The following DLG5 variants were observed in gnomAD, a reference collection of about 807,000 sequenced individuals.
DLG5 encodes the protein disks large homolog 5.
Under a neutral mutation model 189.8 loss-of-function variants are expected in DLG5, and 48 were observed. The ratio of observed to expected loss-of-function variants is 0.25; its 90% CI spans 0.20 to 0.32. The LOEUF is 0.32. Ranked by LOEUF, DLG5 falls within the 10% of genes least tolerant of loss-of-function variation. The pLI, the probability that DLG5 is intolerant of heterozygous loss-of-function variation, is 1.00. For missense variants in DLG5, 2,160 were observed against 2,544.7 expected (o/e 0.85, Z 3.25); for synonymous variants, 1,016 against 1,054.1 (o/e 0.96, Z 0.70).
intron 1 of DLG5, among the ~76,000 whole-genome samples, chr10:77,916,578 C>T (rs1253413816): frequency 6.6e-6 from 1 of 152,078 alleles, no homozygotes; most frequent in African/African-American, 2.4e-5. Flanking sequence ...AGGCATGAGC[C>T]ACCACGCCCG....
At position 77,806,152 on chromosome 10, in the gene DLG5, G is replaced by T. The variant is rs144312767; in HGVS notation, c.4968-291C>A. ...ACTGCTAGGACAGCCTTCAATTGGT[G>T]ACATGACGAGTTACGCTTCCTGCCA... On this transcript the variant is annotated intron_variant, in intron 26 of 31. Transcript: ENST00000372391. 2.5e-5 allele frequency: 10 copies of T among 405,908 alleles called. No homozygotes were observed. The East Asian group carries it at 3.7e-4, about 15-fold the overall frequency. The allele number at this position is 405,908 out of a possible 1,614,324, so 25.1% of individuals were successfully genotyped here.
chr10:77,813,430 C>A (rs982060042), intron 20 of DLG5, among the ~76,000 whole-genome samples: 1 of 152,084 alleles, frequency 6.6e-6, no homozygotes, highest in Non-Finnish European at 1.5e-5. Context: ...AATTAAAATT[C>A]TTCTTGAGTT....
chr10:77,796,207 G>T lies in DLG5; in HGVS notation c.5309-19C>A. ...ATCACCTCTGCAATGCACAGACACA[G>T]GAATCAGGGAGCCCCAGGCCCTGCT... On this transcript the variant is annotated intron_variant, in intron 28 of 31. Transcript: ENST00000372391. The surrounding 1 kb of genome is among the most constrained non-coding windows in gnomAD (Gnocchi z 5.2). The T allele has an allele frequency of 6.2e-7, 1 of 1,613,952 alleles. No individual in the cohort carries two copies. The highest frequency in any genetic ancestry group is 8.5e-7 in the Non-Finnish European group (1 of 1,180,028).
chr10:77,915,687 A>G (rs751983593), intron 1 of DLG5, among the ~76,000 whole-genome samples: 21 of 152,240 alleles, frequency 1.4e-4, no homozygotes, highest in Non-Finnish European at 1.9e-4. Context: ...TAGCAGTTAG[A>G]AGATGTTTCT....
At chr10:77,869,237 G>T (rs1844805841) in intron 1 of DLG5, 40 bp from the exon 2 acceptor site, 2 of 1,592,734 alleles carry the variant, frequency 1.3e-6, no homozygotes, top group Admixed American at 1.7e-5. Context: ...ACCCCAAGGG[G>T]TCACTCGTCT....
intron 1 of DLG5, among the ~76,000 whole-genome samples, chr10:77,903,991 C>T (rs554357179): frequency 3.3e-5 from 5 of 152,302 alleles, no homozygotes; most frequent in Non-Finnish European, 7.3e-5. Context: ...AATTCCTTAA[C>T]AGTGGTTTCT....
chr10:77,811,340 T>C (rs1015733280), intron 22 of DLG5, 106 bp from the exon 23 acceptor site: 3 of 1,418,368 alleles, frequency 2.1e-6, no homozygotes, highest in Non-Finnish European at 1.9e-6. Context: ...CCAGGTCACA[T>C]AGCCCTGCAC....
At position 77,895,056 on chromosome 10, in the gene DLG5, A is replaced by G. The variant is rs77842895; in HGVS notation, c.305-25859T>C. ...GACATGGGTTCAGGGAAGAAAAGTG[A>G]TGAGCAGGTCACACTGCTGGACTTA... On this transcript the variant is annotated intron_variant, in intron 1 of 31. Coordinates refer to ENST00000372391, the MANE Select transcript of DLG5 (RefSeq NM_004747.4). Among the ~76,000 whole-genome samples the G allele has an allele frequency of 8.1e-4, 124 of 152,332 alleles. 1 individual carries two copies. In the East Asian group the frequency reaches 0.022, roughly 27 times the overall value.
chr10:77,878,678 C>G (rs1845180350), intron 1 of DLG5, among the ~76,000 whole-genome samples: 1 of 152,176 alleles, frequency 6.6e-6, no homozygotes, highest in African/African-American at 2.4e-5. Flanking sequence ...TCTATCTATG[C>G]CTGTGGATAA....
chr10:77,936,250 C>T, the DLG5 span, among the ~76,000 whole-genome samples: 1 of 151,914 alleles, frequency 6.6e-6, no homozygotes, highest in Non-Finnish European at 1.5e-5. Flanking sequence ...CCATCCCAGC[C>T]AACATAGTGA....
chr10:77,829,628 G>A, intron 11 of DLG5, 98 bp from the exon 12 acceptor site: 1 of 1,392,020 alleles, frequency 7.2e-7, no homozygotes, highest in Non-Finnish European at 9.8e-7. Flanking sequence ...CCAAGGAGTG[G>A]GTGCCTCACA....
the DLG5 span, among the ~76,000 whole-genome samples, chr10:77,936,233 A>T: frequency 3.9e-5 from 6 of 152,082 alleles, no homozygotes; most frequent in East Asian, 1.2e-3. Flanking sequence ...AGGTCAGGAG[A>T]TCGAGACCAT....
intron 27 of DLG5, among the ~76,000 whole-genome samples, chr10:77,801,503 A>T (rs1385823641): frequency 1.3e-5 from 2 of 152,234 alleles, no homozygotes; most frequent in Admixed American, 6.5e-5. Context: ...GAGGAGAGGC[A>T]AGGTCAGCAC....
chr10:77,927,310 T>C (rs1165701583), upstream of DLG5: 1 of 152,922 alleles, frequency 6.5e-6, no homozygotes, highest in Non-Finnish European at 1.5e-5. Flanking sequence ...CACAAGCTGC[T>C]GGAGACCCCC....
At chr10:77,867,298 C>T (rs560050610) in intron 2 of DLG5, among the ~76,000 whole-genome samples, 5 of 152,276 alleles carry the variant, frequency 3.3e-5, no homozygotes, top group Admixed American at 2.6e-4. Flanking sequence ...GGAAAGGTAA[C>T]GATTTAACCC....
intron 1 of DLG5, among the ~76,000 whole-genome samples, chr10:77,886,384 C>CAT (rs1564575566): frequency 6.9e-6 from 1 of 143,932 alleles, no homozygotes. Flanking sequence ...AGTAATGTTG[C>CAT]TTTTTTTTTT....
rs141064880 is a variant in DLG5, at chr10:77,915,480, G to A, written c.304+10737C>T. On this transcript the variant is annotated intron_variant, in intron 1 of 31. Coordinates refer to ENST00000372391, the MANE Select transcript of DLG5 (RefSeq NM_004747.4). ...ATGCATTCCTCAGAACACTGATGTC[G>A]CAAGATGCTCCATGATAAAGGACTC... Among the ~76,000 whole-genome samples, 773 of 152,250 alleles carry A rather than the reference G, an allele frequency of 5.1e-3. 5 individuals are homozygous for A. Among genetic ancestry groups the A allele is most frequent in the Non-Finnish European group, 5.5e-3 (372 of 68,016 alleles).
chr10:77,809,576 C>G lies in DLG5; in HGVS notation c.4618G>C (p.Gly1540Arg), dbSNP rs1027667360. 2 of 1,614,016 alleles carry G rather than the reference C, an allele frequency of 1.2e-6. No individual in the cohort carries two copies. The highest frequency in any genetic ancestry group is 1.7e-6 in the Non-Finnish European group (2 of 1,179,948). ...EDDSPAKGPD[G>R]LVPGDLILEY... ...AGGATGAGGTCCCCTGGCACGAGGC[C>G]GTCAGGACCCTTGGCAGGACTGTCA... Residue 1540 changes from glycine to arginine, a missense_variant, in exon 24 of 32, where the codon GGC becomes CGC. Transcript: ENST00000372391.
At chr10:77,797,605 G>A (rs978305518) in intron 27 of DLG5, among the ~76,000 whole-genome samples, 5 of 152,188 alleles carry the variant, frequency 3.3e-5, no homozygotes, top group Admixed American at 6.5e-5. Context: ...AGAAAGAGCA[G>A]GGCAAGAGGA....
Sources: gnomAD v4.1 joint callset for allele counts (sites outside exome capture counted in the v4.1 genomes callset) on GRCh38, gnomAD v4.1.1 for gene constraint, Gnocchi (gnomAD v3.1) non-coding constraint, MANE v1.5 for transcripts, NCBI Gene and HGNC (gene_info 2026-07-23, HGNC 2026-07-21) for gene names.